BAZ1B: variants seen among roughly 807,000 people sequenced by gnomAD.
BAZ1B encodes the protein tyrosine-protein kinase BAZ1B.
Under a neutral mutation model 153.8 loss-of-function variants are expected in BAZ1B, and 22 were observed. The observed-to-expected ratio is 0.14, with a 90% confidence interval of 0.10 to 0.20. The LOEUF is 0.20. Among genes scored for constraint, BAZ1B ranks in the 10% least tolerant of loss-of-function variants. The probability of loss-of-function intolerance (pLI) is 1.00; values close to 1 mark genes in which losing one functional copy is unlikely to be tolerated. For missense variants in BAZ1B, 1,325 were observed against 1,799.3 expected, an observed-to-expected ratio of 0.74 and a Z score of 4.77; for synonymous variants, 676 against 633.4, an observed-to-expected ratio of 1.07 and a Z score of -1.01.
Position 73,522,153 on chromosome 7 carries a change from C to G in BAZ1B, c.-220G>C, listed in dbSNP as rs1406096160. ...CAGAGCTCCCGCGCACACCGCCGCG[C>G]CTCCCAGCAGCCCCCCGCCGACCTC... On this transcript the variant is annotated 5_prime_UTR_variant, in exon 1 of 20. Transcript: ENST00000339594. 5.0e-6 allele frequency: 2 copies of G among 398,250 alleles called. No homozygotes were observed. Among genetic ancestry groups the G allele is most frequent in the East Asian group, 7.2e-5 (2 of 27,860 alleles). The allele number at this position is 398,250 out of a possible 1,614,324, so 24.7% of individuals were successfully genotyped here. A position where few individuals can be genotyped will look rare whatever the true frequency, so the allele number is the denominator to read the frequency against.
chr7:73,478,624 C>T (rs1463096028), intron 6 of BAZ1B, 55 bp from the exon 7 acceptor site: 1 of 1,398,716 alleles, frequency 7.1e-7, no homozygotes, highest in African/African-American at 1.4e-5. Flanking sequence ...CTAACTTAAG[C>T]AACATTTAAG....
intron 3 of BAZ1B, 74 bp from the exon 4 acceptor site, chr7:73,498,772 C>A: frequency 7.8e-7 from 1 of 1,277,262 alleles, no homozygotes; most frequent in Non-Finnish European, 1.1e-6. Context: ...AACATATCAT[C>A]CAATATACAT....
chr7:73,458,402 G>A (rs1788275378), intron 13 of BAZ1B, among the ~76,000 whole-genome samples: 2 of 152,100 alleles, frequency 1.3e-5, no homozygotes, highest in Admixed American at 6.5e-5. Context: ...TGGGCTGGAC[G>A]TGGTGGTTCA....
chr7:73,444,024 G>GTCA lies in BAZ1B; in HGVS notation c.3949_3950insTGA (p.Pro1317delinsLeuThr). On this transcript the variant is annotated protein_altering_variant, in exon 17 of 20. Coordinates refer to ENST00000339594, the MANE Select transcript of BAZ1B (RefSeq NM_032408.4). ...AGCATCATCCACAGGTGGTGCCTTG[G>GTCA]GCTGAGACCTCCTGGTAGAGTGTGG... 1 of 1,613,878 alleles carries GTCA rather than the reference G, an allele frequency of 6.2e-7. No individual in the cohort carries two copies. Among genetic ancestry groups the GTCA allele is most frequent in the Non-Finnish European group, 8.5e-7 (1 of 1,179,918 alleles).
intron 8 of BAZ1B, among the ~76,000 whole-genome samples, chr7:73,469,971 G>A (rs1788735728): frequency 1.3e-5 from 2 of 152,110 alleles, no homozygotes; most frequent in African/African-American, 4.8e-5. Context: ...GCCTCCCAAA[G>A]TGTAGGATTA....
rs1788766851 is a variant in BAZ1B, at chr7:73,470,619, C to T, written c.2594-136G>A. 4 of 1,066,786 alleles carry T rather than the reference C, an allele frequency of 3.7e-6. No individual in the cohort carries two copies. The East Asian group carries it at 1.0e-4, about 28-fold the overall frequency. The allele number at this position is 1,066,786 out of a possible 1,614,324, so 66.1% of individuals were successfully genotyped here. On this transcript the variant is annotated intron_variant, in intron 7 of 19. Transcript: ENST00000339594. Reference sequence around the variant, plus strand: ...TTAGTTTGCTTTCTCTAATTCTAATCTGTTACAAGAAATTACATGTAAGGC... The same window carrying T: ...TTAGTTTGCTTTCTCTAATTCTAATTTGTTACAAGAAATTACATGTAAGGC...
chr7:73,510,522 T>C (rs1370172286), intron 2 of BAZ1B, among the ~76,000 whole-genome samples: 1 of 152,220 alleles, frequency 6.6e-6, no homozygotes, highest in Non-Finnish European at 1.5e-5. Flanking sequence ...GGTAAATACC[T>C]AAACAAGTGC....
intron 3 of BAZ1B, among the ~76,000 whole-genome samples, chr7:73,504,612 C>T (rs190913824): frequency 1.2e-3 from 175 of 151,768 alleles, no homozygotes; most frequent in Middle Eastern, 3.4e-3. Flanking sequence ...TGCAACGAGC[C>T]GAGATCGCGC....
intron 12 of BAZ1B, among the ~76,000 whole-genome samples, chr7:73,460,307 C>G (rs1788352954): frequency 6.6e-6 from 1 of 151,276 alleles, no homozygotes; most frequent in Non-Finnish European, 1.5e-5. Context: ...TTGATTCATT[C>G]AATAATGACT....
chr7:73,448,375 A>C (rs1342170210), intron 15 of BAZ1B, among the ~76,000 whole-genome samples: 1 of 152,186 alleles, frequency 6.6e-6, no homozygotes, highest in Non-Finnish European at 1.5e-5. Context: ...TGTGGAAAAC[A>C]ACAGTATTAT....
intron 3 of BAZ1B, among the ~76,000 whole-genome samples, chr7:73,499,812 T>C (rs1188110842): frequency 2.0e-5 from 3 of 152,372 alleles, no homozygotes; most frequent in Admixed American, 6.5e-5. Context: ...TTCTTTAATC[T>C]GAAATCTATC....
At chr7:73,444,265 G>A (rs1787742160) in intron 16 of BAZ1B, 136 bp from the exon 17 acceptor site, 1 of 1,017,890 alleles carries the variant, frequency 9.8e-7, no homozygotes, top group Non-Finnish European at 1.4e-6. Flanking sequence ...GTTTTAAGGT[G>A]CTCTTGCTAT....
At chr7:73,466,269 G>C (rs1448105826) in intron 10 of BAZ1B, 27 bp downstream of exon 10, 2 of 1,509,072 alleles carry the variant, frequency 1.3e-6, no homozygotes, top group Non-Finnish European at 1.8e-6. Flanking sequence ...GAAAAAGAAA[G>C]AGCAACCAGA....
At chr7:73,445,424 T>G (rs782517594) in intron 16 of BAZ1B, among the ~76,000 whole-genome samples, 5 of 152,152 alleles carry the variant, frequency 3.3e-5, no homozygotes, top group Non-Finnish European at 7.3e-5. Flanking sequence ...CAAAAAGCTC[T>G]GAAGTACCAA....
At chr7:73,467,358 G>C (rs953249938) in intron 9 of BAZ1B, among the ~76,000 whole-genome samples, 2 of 151,732 alleles carry the variant, frequency 1.3e-5, no homozygotes, top group Non-Finnish European at 2.9e-5. Flanking sequence ...CTTTTCAATT[G>C]GGTAATTTAT....
chr7:73,504,668 G>GA (rs1287420641), intron 3 of BAZ1B, among the ~76,000 whole-genome samples: 4 of 149,382 alleles, frequency 2.7e-5, no homozygotes, highest in African/African-American at 7.4e-5. Context: ...TGTCTCAAAA[G>GA]AAAAAAAAAC....
intron 2 of BAZ1B, among the ~76,000 whole-genome samples, chr7:73,509,845 G>T (rs975851922): frequency 6.6e-6 from 1 of 151,916 alleles, no homozygotes; most frequent in Non-Finnish European, 1.5e-5. Flanking sequence ...TATCATACCC[G>T]GTTGGGTGCA....
chr7:73,471,831 T>C (rs906497378), intron 7 of BAZ1B, among the ~76,000 whole-genome samples: 1 of 151,454 alleles, frequency 6.6e-6, no homozygotes, highest in Non-Finnish European at 1.5e-5. Context: ...TGTGTATTTG[T>C]AACAATGGTT....
Position 73,476,895 on chromosome 7 carries a change from G to A in BAZ1B, c.2566C>T (p.Arg856Trp), listed in dbSNP as rs1211396683. Residue 856 changes from arginine to tryptophan, a missense_variant, in exon 7 of 20, where the codon CGG (arginine) becomes TGG (tryptophan). Arg to Trp is a moderately radical substitution (Grantham distance 101, BLOSUM62 -3). Transcript: ENST00000339594. ...TTCATTTCTCTTTCCTGGATTTCCCGTTCCTTCTTAGCTTGAATGGCAAGC... is the reference window on the plus strand; with the variant it reads ...TTCATTTCTCTTTCCTGGATTTCCCATTCCTTCTTAGCTTGAATGGCAAGC... ...RLLAIQAKKEREIQEREMKVK... is the reference protein window; with the variant it reads ...RLLAIQAKKEWEIQEREMKVK... 2 of 1,598,412 alleles carry A rather than the reference G, an allele frequency of 1.3e-6. No individual in the cohort carries two copies. Among genetic ancestry groups the A allele is most frequent in the Admixed American group, 1.8e-5 (1 of 56,202 alleles).
Sources: gnomAD v4.1 joint callset for allele counts (sites outside exome capture counted in the v4.1 genomes callset) on GRCh38, gnomAD v4.1.1 for gene constraint, MANE v1.5 for transcripts, NCBI Gene and HGNC (gene_info 2026-07-23, HGNC 2026-07-21) for gene names.